MPDZ: variants seen among roughly 807,000 people sequenced by gnomAD.
MPDZ encodes the protein multiple PDZ domain protein.
MPDZ carries 234 observed loss-of-function variants against 239.1 expected under a neutral mutation model. The observed-to-expected ratio is 0.98, with a 90% confidence interval of 0.88 to 1.09. MPDZ has a LOEUF of 1.09. MPDZ is among the 50% of genes least tolerant of loss of function. The probability of loss-of-function intolerance (pLI) is 0.00; values close to 1 mark genes in which losing one functional copy is unlikely to be tolerated. For synonymous variants in MPDZ, 1,048 were observed against 881.3 expected (o/e 1.19, Z -3.35); for missense variants, 3,175 against 2,510.0 (o/e 1.26, Z -5.66).
chr9:13,141,416 T>C (rs1427293714), intron 27 of MPDZ, among the ~76,000 whole-genome samples: 1 of 152,126 alleles, frequency 6.6e-6, no homozygotes, highest in Non-Finnish European at 1.5e-5. Flanking sequence ...CTTGCATAAA[T>C]AAGACAGTAC....
chr9:13,177,752 G>T (rs2134243966), intron 19 of MPDZ, among the ~76,000 whole-genome samples: 1 of 152,260 alleles, frequency 6.6e-6, no homozygotes, highest in Admixed American at 6.5e-5. Flanking sequence ...TAAACACTAT[G>T]CCTAATTGGG....
Position 13,136,320 on chromosome 9 carries a change from G to GTTTTTTTTTT in MPDZ, c.4293-139_4293-138insAAAAAAAAAA, listed in dbSNP as rs1444109820. 289 of 194,576 alleles carry GTTTTTTTTTT rather than the reference G, an allele frequency of 1.5e-3. 20 individuals are homozygous for GTTTTTTTTTT. The highest frequency in any genetic ancestry group is 3.5e-3 in the African/African-American group (53 of 15,148). 12.1% of individuals were successfully genotyped at this position (194,576 alleles called of 1,614,324 possible). A position where few individuals can be genotyped will look rare whatever the true frequency, so the allele number is the denominator to read the frequency against. Reference sequence around the variant, plus strand: ...CTGTGACACTTACAAATTTACAAACGTTTTCTTTTTTTTTTTTTTTTTTTT... The same window carrying GTTTTTTTTTT: ...CTGTGACACTTACAAATTTACAAACGTTTTTTTTTTTTTTCTTTTTTTTTTTTTTTTTTTT... On this transcript the variant is annotated intron_variant, in intron 30 of 46. Transcript: ENST00000319217.
At chr9:13,234,161 T>C (rs541603680) in intron 3 of MPDZ, among the ~76,000 whole-genome samples, 1 of 152,120 alleles carries the variant, frequency 6.6e-6, no homozygotes, top group Non-Finnish European at 1.5e-5. Flanking sequence ...ATTATGAGAT[T>C]TCAAGATTAT....
chr9:13,116,880 T>C (rs536657353), intron 39 of MPDZ, among the ~76,000 whole-genome samples: 1 of 152,150 alleles, frequency 6.6e-6, no homozygotes, highest in East Asian at 1.9e-4. Flanking sequence ...GTATTTTACA[T>C]AGTTGCATCT....
chr9:13,133,894 G>C lies in MPDZ; in HGVS notation c.4394C>G (p.Thr1465Ser), dbSNP rs1203912218. Residue 1465 changes from threonine to serine, a missense_variant, in exon 32 of 47, where the codon ACT becomes AGT. Coordinates refer to ENST00000319217, the MANE Select transcript of MPDZ (RefSeq NM_001378778.1). ...CACAGCTGCATCAGAAGTAGTAACA[G>C]TTGGCTCTGTCTGACAGAGGGAAAG... ...ENLQNKETEP[T>S]VTTSDAAVDL... 2.5e-6 allele frequency: 4 copies of C among 1,575,872 alleles called. No homozygotes were observed. Among genetic ancestry groups the C allele is most frequent in the Admixed American group, 1.8e-5 (1 of 57,086 alleles).
At chr9:13,235,550 A>G (rs897523661) in intron 3 of MPDZ, among the ~76,000 whole-genome samples, 4 of 152,200 alleles carry the variant, frequency 2.6e-5, no homozygotes, top group African/African-American at 9.6e-5. Flanking sequence ...TTCTGTTCAC[A>G]GCCATGAATT....
chr9:13,142,198 C>A (rs1018322929), intron 27 of MPDZ, among the ~76,000 whole-genome samples: 1 of 152,054 alleles, frequency 6.6e-6, no homozygotes, highest in African/African-American at 2.4e-5. Context: ...ATACATCTTG[C>A]TGCATAATTT....
At chr9:13,242,607 C>A (rs1431179897) in intron 3 of MPDZ, among the ~76,000 whole-genome samples, 10 of 144,674 alleles carry the variant, frequency 6.9e-5, no homozygotes, top group Non-Finnish European at 7.6e-5. Flanking sequence ...ATACAATATC[C>A]AAAAAAAAAA....
At chr9:13,249,519 A>T (rs1191480761) in intron 2 of MPDZ, among the ~76,000 whole-genome samples, 1 of 152,160 alleles carries the variant, frequency 6.6e-6, no homozygotes, top group African/African-American at 2.4e-5. Context: ...CACAAAAACA[A>T]GTCCTTCTCC....
intron 12 of MPDZ, among the ~76,000 whole-genome samples, chr9:13,203,771 CACAG>C (rs1300870399): frequency 7.1e-4 from 81 of 114,298 alleles, no homozygotes; most frequent in East Asian, 2.6e-3. Context: ...CACACACACA[CACAG>C]AGAGAGAAAG....
intron 1 of MPDZ, among the ~76,000 whole-genome samples, chr9:13,269,867 T>C (rs1483899549): frequency 6.6e-6 from 1 of 152,318 alleles, no homozygotes; most frequent in Middle Eastern, 3.4e-3. Context: ...GAAAATTGCA[T>C]GAAGAAATCC....
Position 13,112,996 on chromosome 9 carries a change from C to T in MPDZ, c.5601+15G>A. On this transcript the variant is annotated intron_variant, in intron 42 of 46. Coordinates refer to ENST00000319217, the MANE Select transcript of MPDZ (RefSeq NM_001378778.1). ...AAAACGCCAGGGTTTATATTGTTTT[C>T]TCTCCCCAAGTTACCTTTTTCATTT... 6.3e-7 allele frequency: 1 copy of T among 1,577,746 alleles called. No individual in the cohort carries two copies. Among genetic ancestry groups the T allele is most frequent in the Non-Finnish European group, 8.6e-7 (1 of 1,158,880 alleles).
At chr9:13,141,813 G>A (rs764802715) in intron 27 of MPDZ, among the ~76,000 whole-genome samples, 16 of 152,256 alleles carry the variant, frequency 1.1e-4, no homozygotes, top group African/African-American at 2.9e-4. Flanking sequence ...ATTTAAGGGC[G>A]TAAGTGTCAG....
Position 13,274,770 on chromosome 9 carries a change from T to C in MPDZ, c.-58+4630A>G, listed in dbSNP as rs115916102. On this transcript the variant is annotated intron_variant, in intron 1 of 46. Coordinates refer to ENST00000319217, the MANE Select transcript of MPDZ (RefSeq NM_001378778.1). ...ATAAGACAGACAGTTTTTAGATCAATGGAATTTAAAGAATAAATTCTGTTG... is the reference window on the plus strand; with the variant it reads ...ATAAGACAGACAGTTTTTAGATCAACGGAATTTAAAGAATAAATTCTGTTG... Among the ~76,000 whole-genome samples the C allele has an allele frequency of 5.5e-3, 831 of 152,288 alleles. 6 individuals are homozygous for C. The highest frequency in any genetic ancestry group is 0.018 in the African/African-American group (744 of 41,570).
chr9:13,279,236 C>T (rs1564192006), intron 1 of MPDZ, 164 bp downstream of exon 1: 1 of 137,396 alleles, frequency 7.3e-6, no homozygotes, highest in Admixed American at 7.0e-5. Flanking sequence ...CGCCCCACGG[C>T]CCGCCGCCAC....
intron 35 of MPDZ, among the ~76,000 whole-genome samples, chr9:13,124,971 T>C (rs931294850): frequency 1.3e-5 from 2 of 152,096 alleles, no homozygotes; most frequent in African/African-American, 2.4e-5. Context: ...AGCTGAGGCT[T>C]TGAGTGGGTA....
intron 36 of MPDZ, 84 bp downstream of exon 36, chr9:13,123,069 G>T (rs958348767): frequency 5.3e-5 from 74 of 1,389,160 alleles, no homozygotes; most frequent in Admixed American, 1.3e-4. Context: ...TCCTTTACTA[G>T]AACTGATAGA....
In MPDZ at chr9:13,205,940, G is replaced by C. The variant is rs751772166; in HGVS notation, c.1450C>G (p.Pro484Ala). 4 of 1,604,952 alleles carry C rather than the reference G, an allele frequency of 2.5e-6. No individual in the cohort carries two copies. Among genetic ancestry groups the C allele is most frequent in the Non-Finnish European group, 3.4e-6 (4 of 1,175,822 alleles). ...CCTTTGATTATGCTGGCATTAACAG[G>C]AGACAAATCTGCATCTTTTGTGACG... is the stretch of plus-strand genomic sequence containing the variant. ...EDVTKDADLS[P>A]VNASIIKENY... Residue 484 changes from proline (P) to alanine (A), a missense_variant, in exon 11 of 47, where the codon CCT becomes GCT. Pro to Ala is a conservative substitution (Grantham distance 27, BLOSUM62 -1). Transcript: ENST00000319217.
At chr9:13,235,236 A>C (rs972116855) in intron 3 of MPDZ, among the ~76,000 whole-genome samples, 8 of 152,204 alleles carry the variant, frequency 5.3e-5, no homozygotes, top group South Asian at 2.1e-4. Context: ...TAATGTGACG[A>C]AACTATTTTG....
Sources: gnomAD v4.1 joint callset for allele counts (sites outside exome capture counted in the v4.1 genomes callset) on GRCh38, gnomAD v4.1.1 for gene constraint, MANE v1.5 for transcripts, NCBI Gene and HGNC (gene_info 2026-07-23, HGNC 2026-07-21) for gene names.